Variants in KCNH3 observed in about 807,000 individuals in gnomAD.
The protein encoded by KCNH3 is potassium voltage-gated channel subfamily H member 3, also known as voltage-gated inwardly rectifying potassium channel KCNH3.
Under a neutral mutation model 95.6 loss-of-function variants are expected in KCNH3, and 36 were observed. The observed-to-expected ratio is 0.38, with a 90% CI of 0.29 to 0.50. KCNH3 has a LOEUF of 0.50. Among genes scored for constraint, KCNH3 ranks in the 20% least tolerant of loss-of-function variants. The pLI is 0.95. For synonymous variants in KCNH3, 620 were observed against 646.3 expected, an observed-to-expected ratio of 0.96 and a Z score of 0.62; for missense variants, 1,030 against 1,484.1, an observed-to-expected ratio of 0.69 and a Z score of 5.03.
Position 49,556,278 on chromosome 12 carries a change from C to G in KCNH3, c.2469-92C>G, listed in dbSNP as rs562594268. 3 of 917,020 alleles carry G rather than the reference C, an allele frequency of 3.3e-6. No individual in the cohort carries two copies. In the East Asian group the frequency reaches 7.3e-5, roughly 22 times the overall value. 56.8% of individuals were successfully genotyped at this position (917,020 alleles called of 1,614,324 possible). ...CTGGTCAGTTCCACGCTCCTGCAGCCTGTGTGTGTGGACGCTGGGGCATCC... is the reference window on the plus strand; with the variant it reads ...CTGGTCAGTTCCACGCTCCTGCAGCGTGTGTGTGTGGACGCTGGGGCATCC... On this transcript the variant is annotated intron_variant, in intron 12 of 14. Transcript: ENST00000257981.
chr12:49,556,309 C>T (rs11615302), intron 12 of KCNH3, 61 bp from the exon 13 acceptor site: 37,169 of 1,262,310 alleles, frequency 0.029, 731 homozygotes, highest in Non-Finnish European at 0.037. Flanking sequence ...CATCCCGTCC[C>T]GTATGACCCC....
At position 49,541,809 on chromosome 12, in the gene KCNH3, G is replaced by C. The variant is rs1176002129; in HGVS notation, c.445+45G>C. 1.9e-6 allele frequency: 3 copies of C among 1,605,838 alleles called. No homozygotes were observed. The African/African-American group carries it at 4.0e-5, about 22-fold the overall frequency. ...GTGGTCGGGGTATTGGGTGCCGCAG[G>C]CCCGGGCGGGGCCTTGGCACCCAGT... On this transcript the variant is annotated intron_variant, in intron 3 of 14. Coordinates refer to ENST00000257981, the MANE Select transcript of KCNH3 (RefSeq NM_012284.3).
chr12:49,549,320 C>A (rs935353922), intron 8 of KCNH3, 121 bp from the exon 9 acceptor site: 1 of 1,458,614 alleles, frequency 6.9e-7, no homozygotes, highest in South Asian at 1.3e-5. Context: ...GGGGAGACTT[C>A]GCCCGCACAG....
intron 6 of KCNH3, 26 bp downstream of exon 6, chr12:49,544,098 G>A (rs1937968169): frequency 1.9e-6 from 3 of 1,606,348 alleles, no homozygotes; most frequent in South Asian, 1.1e-5. Flanking sequence ...CTGGCTGGGT[G>A]GGTGGGCTTG....
chr12:49,552,859 C>A (rs186225697), intron 10 of KCNH3, among the ~76,000 whole-genome samples: 1 of 152,318 alleles, frequency 6.6e-6, no homozygotes, highest in East Asian at 1.9e-4. Flanking sequence ...CCAAACAGCA[C>A]TCAAAACGAC....
At position 49,557,328 on chromosome 12, in the gene KCNH3, G is replaced by A. The variant is rs540834343; in HGVS notation, c.2653-26G>A. On this transcript the variant is annotated intron_variant, in intron 14 of 14. Coordinates refer to ENST00000257981, the MANE Select transcript of KCNH3 (RefSeq NM_012284.3). ...GGCACTCCATGGCTGACTCCATTCT[G>A]ACCTCGCCTCCTCCCTCCCCCAAAG... 1.1e-5 allele frequency: 17 copies of A among 1,611,888 alleles called. No homozygotes were observed. In the East Asian group the frequency reaches 3.1e-4, roughly 30 times the overall value.
chr12:49,555,011 C>T (rs7970334), intron 11 of KCNH3, among the ~76,000 whole-genome samples: 2,835 of 152,180 alleles, frequency 0.019, 30 homozygotes, highest in Middle Eastern at 0.034. Flanking sequence ...CAATTTTTAG[C>T]GCCGCATTCT....
At position 49,541,637 on chromosome 12, in the gene KCNH3, G is replaced by A. The variant is rs376629572; in HGVS notation, c.318G>A (p.Pro106=). ...ELILYRKSGL[P]FWCLLDVIPI... ...GTTTGTTTTTGTGCCCAGGGCTCCC[G>A]TTCTGGTGTCTCCTGGATGTGATAC... Residue 106 remains proline (P), a synonymous_variant, in exon 3 of 15, where the codon CCG becomes CCA. Transcript: ENST00000257981. 2.1e-5 allele frequency: 34 copies of A among 1,614,012 alleles called. No homozygotes were observed. Among genetic ancestry groups the A allele is most frequent in the South Asian group, 3.3e-5 (3 of 91,080 alleles).
rs1938551291 is a variant in KCNH3 at position 49,558,181 on chromosome 12, C to T, written c.*228C>T. 2.3e-6 allele frequency: 1 copy of T among 425,722 alleles called. No individual in the cohort carries two copies. Among genetic ancestry groups the T allele is most frequent in the East Asian group, 3.5e-5 (1 of 28,390 alleles). 26.4% of individuals were successfully genotyped at this position (425,722 alleles called of 1,614,324 possible). The stretch of plus-strand genomic sequence containing the variant: ...CCTGCTCCTCTGACCTCCCGGTCTC[C>T]CTCTGCAGGCTGGGGGCAGAGGCCT... On this transcript the variant is annotated 3_prime_UTR_variant, in exon 15 of 15. Coordinates refer to ENST00000257981, the MANE Select transcript of KCNH3 (RefSeq NM_012284.3).
rs1938419678 is a variant in KCNH3, at chr12:49,555,797, C to T, written c.2314C>T (p.Arg772Ter). Reference protein sequence around the residue: ...SSAAKLLSPRRTAPRPRLGGR... With the variant: ...SSAAKLLSPR The stretch of plus-strand genomic sequence containing the variant: ...AGCTGCCAAGCTGCTATCCCCACGT[C>T]GAACAGCACCCCGGCCTCGTCTAGG... The change falls in exon 12 of 15, where the codon CGA becomes TGA. Residue 772 changes from arginine (R) to a stop codon, truncating the protein, a stop_gained. Coordinates refer to ENST00000257981, the MANE Select transcript of KCNH3 (RefSeq NM_012284.3). LOFTEE classifies it high-confidence loss of function. The T allele has an allele frequency of 2.5e-6, 4 of 1,613,568 alleles. No homozygotes were observed. The highest frequency in any genetic ancestry group is 1.7e-5 in the Admixed American group (1 of 59,964).
chr12:49,540,281 T>G (rs1389011836), intron 1 of KCNH3, among the ~76,000 whole-genome samples: 1 of 152,204 alleles, frequency 6.6e-6, no homozygotes, highest in East Asian at 1.9e-4. Context: ...TGTGCTTGGC[T>G]CCTGCAGCCT....
At position 49,542,607 on chromosome 12, in the gene KCNH3, G is replaced by A; in HGVS notation, c.446-99G>A. ...AACATTCTAAGTGGTCAATGAGCCA[G>A]ACCAGTCCATGGGCCAGCAACTGTG... On this transcript the variant is annotated intron_variant, in intron 3 of 14. Coordinates refer to ENST00000257981, the MANE Select transcript of KCNH3 (RefSeq NM_012284.3). 4 of 1,378,036 alleles carry A rather than the reference G, an allele frequency of 2.9e-6. No homozygotes were observed. In the South Asian group the frequency reaches 5.9e-5, roughly 20 times the overall value. The allele number at this position is 1,378,036 out of a possible 1,614,324, so 85.4% of individuals were successfully genotyped here. A position where few individuals can be genotyped will look rare whatever the true frequency, so the allele number is the denominator to read the frequency against.
chr12:49,547,483 CCTT>C (rs1267718704), intron 7 of KCNH3, among the ~76,000 whole-genome samples: 1 of 152,266 alleles, frequency 6.6e-6, no homozygotes, highest in Non-Finnish European at 1.5e-5. Context: ...CTTCCAGAAG[CCTT>C]CTAGCCCTAG....
chr12:49,551,900 G>A (rs1331837694), intron 10 of KCNH3, among the ~76,000 whole-genome samples: 5 of 152,218 alleles, frequency 3.3e-5, no homozygotes, highest in African/African-American at 1.2e-4. Context: ...GCTACTGTGT[G>A]TCCATCCTTG....
chr12:49,552,405 C>T (rs1234950479), intron 10 of KCNH3, among the ~76,000 whole-genome samples: 1 of 152,222 alleles, frequency 6.6e-6, no homozygotes, highest in Non-Finnish European at 1.5e-5. Context: ...CACCGTTGAT[C>T]CATCCTGTCA....
chr12:49,542,976 G>T, intron 4 of KCNH3, 137 bp downstream of exon 4: 1 of 1,196,974 alleles, frequency 8.4e-7, no homozygotes, highest in Non-Finnish European at 1.1e-6. Context: ...TGGGACTGAA[G>T]GAGGGAAGAT....
rs1387014188 is a variant in KCNH3, at chr12:49,539,132, C to A, written c.-285C>A. Reference sequence around the variant, plus strand: ...GCAGCCGACACGCGAGCCGCTGCCGCGGCGGGAGGTGCTGAGAGCGCGGCG... The same window carrying A: ...GCAGCCGACACGCGAGCCGCTGCCGAGGCGGGAGGTGCTGAGAGCGCGGCG... On this transcript the variant is annotated 5_prime_UTR_variant, in exon 1 of 15. Transcript: ENST00000257981. The surrounding 1 kb of genome is among the most constrained non-coding windows in gnomAD (Gnocchi z 6.7). 1.3e-5 allele frequency: 2 copies of A among 153,376 alleles called. No individual in the cohort carries two copies. The highest frequency in any genetic ancestry group is 3.8e-4 in the East Asian group (2 of 5,216). 9.5% of individuals were successfully genotyped at this position (153,376 alleles called of 1,614,324 possible).
At chr12:49,554,694 C>A (rs574070560) in intron 11 of KCNH3, 140 bp downstream of exon 11, 6 of 706,182 alleles carry the variant, frequency 8.5e-6, no homozygotes, top group Non-Finnish European at 7.2e-6. Flanking sequence ...GGGGTCTACA[C>A]CCTCTCTGCC....
At chr12:49,556,608 AC>A in intron 13 of KCNH3, 132 bp downstream of exon 13, 2 of 740,266 alleles carry the variant, frequency 2.7e-6, no homozygotes, top group African/African-American at 3.5e-5. Context: ...TCACCCCACT[AC>A]CCCTTGGTGT....
Sources: allele counts gnomAD v4.1 joint callset (sites outside exome capture counted in the v4.1 genomes callset), GRCh38; gene constraint gnomAD v4.1.1; non-coding constraint Gnocchi (gnomAD v3.1); transcripts MANE v1.5; gene names NCBI Gene and HGNC (gene_info 2026-07-23, HGNC 2026-07-21).